Variants in SYNJ2BP observed in about 807,000 individuals in gnomAD.
SYNJ2BP encodes the protein synaptojanin 2 binding protein, also known as synaptojanin-2-binding protein.
A neutral mutation model predicts 16.9 loss-of-function variants in SYNJ2BP; 10 were observed. The ratio of observed to expected loss-of-function variants is 0.59; its 90% CI spans 0.36 to 1.00. The LOEUF (loss-of-function observed/expected upper bound fraction) is 1.00. Ranked by LOEUF, SYNJ2BP falls within the 50% of genes least tolerant of loss-of-function variation. The pLI, the probability that SYNJ2BP is intolerant of heterozygous loss-of-function variation, is 0.01. For synonymous variants in SYNJ2BP, 54 were observed against 68.4 expected (o/e 0.79, Z 1.04); for missense variants, 162 against 186.7 (o/e 0.87, Z 0.77).
chr14:70,378,546 CCTCCGAAAGTG>C (rs1185179782), intron 2 of SYNJ2BP, among the ~76,000 whole-genome samples: 4 of 151,498 alleles, frequency 2.6e-5, no homozygotes, highest in Non-Finnish European at 4.4e-5. Flanking sequence ...CCTGCCTCAG[CCTCCGAAAGTG>C]CTGGGATTAT....
At chr14:70,408,532 G>A (rs937586369) in intron 1 of SYNJ2BP, among the ~76,000 whole-genome samples, 1 of 152,048 alleles carries the variant, frequency 6.6e-6, no homozygotes, top group African/African-American at 2.4e-5. Flanking sequence ...AATTAGCCAG[G>A]TGTGGTAGCG....
Position 70,369,132 on chromosome 14 carries a change from TTTGAGACAAGG to T in SYNJ2BP, c.*3848_*3858del, listed in dbSNP as rs79998120. 0.074 allele frequency: 11,342 copies of T among 152,288 alleles called. 485 individuals carry two copies. Among genetic ancestry groups the T allele is most frequent in the Middle Eastern group, 0.12 (34 of 294 alleles). 9.4% of individuals were successfully genotyped at this position (152,288 alleles called of 1,614,324 possible). On this transcript the variant is annotated 3_prime_UTR_variant, in exon 4 of 4. Coordinates refer to ENST00000256366, the MANE Select transcript of SYNJ2BP (RefSeq NM_018373.3). ...TTTTTTGTTTGTTTGTTTTTTTGTT[TTTGAGACAAGG>T]TCTCACTCCGTTGCTCAGGCTAGAA...
intron 1 of SYNJ2BP, among the ~76,000 whole-genome samples, chr14:70,409,878 A>G (rs1413537911): frequency 6.6e-6 from 1 of 152,050 alleles, no homozygotes; most frequent in East Asian, 1.9e-4. Context: ...TGGGAGGCTG[A>G]GGTGGAGGAT....
At chr14:70,378,128 C>T (rs887078633) in intron 2 of SYNJ2BP, among the ~76,000 whole-genome samples, 6 of 152,226 alleles carry the variant, frequency 3.9e-5, no homozygotes, top group African/African-American at 1.2e-4. Context: ...TATTCCTTTC[C>T]GGATTTCCTC....
chr14:70,384,929 CCCT>C (rs1887827759), intron 2 of SYNJ2BP, among the ~76,000 whole-genome samples: 1 of 152,046 alleles, frequency 6.6e-6, no homozygotes, highest in Non-Finnish European at 1.5e-5. Context: ...TTGATACAGC[CCCT>C]GATATGTCTT....
At chr14:70,398,773 C>T (rs2140855753) in intron 1 of SYNJ2BP, among the ~76,000 whole-genome samples, 1 of 152,290 alleles carries the variant, frequency 6.6e-6, no homozygotes, top group East Asian at 1.9e-4. Context: ...TGTGCCTCCT[C>T]ACAGCCTGGG....
In SYNJ2BP at chr14:70,371,642, C is replaced by A. The variant is rs1203763037; in HGVS notation, c.*1349G>T. On this transcript the variant is annotated 3_prime_UTR_variant, in exon 4 of 4. Coordinates refer to ENST00000256366, the MANE Select transcript of SYNJ2BP (RefSeq NM_018373.3). ...CCATGTTGGCCAGGCTGGTCTTGAACTCCTGACCTTGTGATCTGCCTGCCT... is the reference window on the plus strand; with the variant it reads ...CCATGTTGGCCAGGCTGGTCTTGAAATCCTGACCTTGTGATCTGCCTGCCT... 6.6e-6 allele frequency: 1 copy of A among 152,256 alleles called. No homozygotes were observed. The highest frequency in any genetic ancestry group is 1.5e-5 in the Non-Finnish European group (1 of 68,116). The allele number at this position is 152,256 out of a possible 1,614,324, so 9.4% of individuals were successfully genotyped here. A position where few individuals can be genotyped will look rare whatever the true frequency, so the allele number is the denominator to read the frequency against.
At chr14:70,406,385 AAACT>A (rs747303810) in intron 1 of SYNJ2BP, among the ~76,000 whole-genome samples, 3 of 152,212 alleles carry the variant, frequency 2.0e-5, no homozygotes, top group Admixed American at 6.5e-5. Flanking sequence ...GGTGTAGGCC[AAACT>A]AACTTTGGGA....
At chr14:70,387,702 G>A (rs904293962) in intron 2 of SYNJ2BP, among the ~76,000 whole-genome samples, 41 of 151,920 alleles carry the variant, frequency 2.7e-4, no homozygotes, top group African/African-American at 2.7e-4. Context: ...GTAGTGGCAG[G>A]GGCCTGTAGT....
chr14:70,413,130 C>A (rs1239600542), intron 1 of SYNJ2BP, among the ~76,000 whole-genome samples: 2 of 152,104 alleles, frequency 1.3e-5, no homozygotes, highest in Non-Finnish European at 2.9e-5. Context: ...TCTAAAATGG[C>A]AGGAAATAAA....
intron 1 of SYNJ2BP, among the ~76,000 whole-genome samples, chr14:70,389,405 T>C (rs1376583794): frequency 7.1e-6 from 1 of 140,826 alleles, no homozygotes; most frequent in African/African-American, 2.8e-5. Flanking sequence ...ATTTTGGTGG[T>C]GGAGGCAGTG....
At chr14:70,379,495 C>T (rs1887701943) in intron 2 of SYNJ2BP, among the ~76,000 whole-genome samples, 1 of 152,160 alleles carries the variant, frequency 6.6e-6, no homozygotes, top group South Asian at 2.1e-4. Flanking sequence ...CACCTAAATG[C>T]CCTTCCCTTT....
At chr14:70,408,606 G>A (rs1402441056) in intron 1 of SYNJ2BP, among the ~76,000 whole-genome samples, 2 of 151,166 alleles carry the variant, frequency 1.3e-5, no homozygotes, top group African/African-American at 4.9e-5. Context: ...CCGGGAGGCA[G>A]AGGTTGCAGT....
At chr14:70,400,464 A>G (rs1252828375) in intron 1 of SYNJ2BP, among the ~76,000 whole-genome samples, 1 of 152,234 alleles carries the variant, frequency 6.6e-6, no homozygotes. Context: ...GTTAAAGAGT[A>G]GAACAGTGCC....
chr14:70,376,034 T>A (rs1410827907), intron 2 of SYNJ2BP, among the ~76,000 whole-genome samples: 24 of 152,222 alleles, frequency 1.6e-4, no homozygotes, highest in Non-Finnish European at 4.4e-5. Context: ...TTAGCTTCTA[T>A]GCCTGTCTCG....
At chr14:70,384,488 TCAC>T (rs1887816878) in intron 2 of SYNJ2BP, among the ~76,000 whole-genome samples, 1 of 35,250 alleles carries the variant, frequency 2.8e-5, no homozygotes, top group Non-Finnish European at 5.6e-5. Context: ...GAATACGATG[TCAC>T]GGGTAAGTGA....
Position 70,366,557 on chromosome 14 carries a change from C to A in SYNJ2BP, c.*6434G>T, listed in dbSNP as rs1887391652. On this transcript the variant is annotated 3_prime_UTR_variant, in exon 4 of 4. Transcript: ENST00000256366. ...AATACTGGCTAGGCACAATTAGACACATTATTATCTCATTTGCTGTATCTG... is the reference window on the plus strand; with the variant it reads ...AATACTGGCTAGGCACAATTAGACAAATTATTATCTCATTTGCTGTATCTG... The A allele has an allele frequency of 6.6e-6, 1 of 152,184 alleles. No homozygotes were observed. Among genetic ancestry groups the A allele is most frequent in the African/African-American group, 2.4e-5 (1 of 41,442 alleles). The allele number at this position is 152,184 out of a possible 1,614,324, so 9.4% of individuals were successfully genotyped here.
At chr14:70,395,051 C>A (rs974496900) in intron 1 of SYNJ2BP, among the ~76,000 whole-genome samples, 1 of 152,178 alleles carries the variant, frequency 6.6e-6, no homozygotes, top group Non-Finnish European at 1.5e-5. Flanking sequence ...TGCTGGCTAT[C>A]TTAGGAGCTA....
At chr14:70,401,454 A>G (rs1388481267) in intron 1 of SYNJ2BP, among the ~76,000 whole-genome samples, 1 of 150,544 alleles carries the variant, frequency 6.6e-6, no homozygotes, top group Admixed American at 6.6e-5. Context: ...ATTAAAAGTA[A>G]TATTTAGGCT....
Sources: gnomAD v4.1 joint callset for allele counts (sites outside exome capture counted in the v4.1 genomes callset) on GRCh38, gnomAD v4.1.1 for gene constraint, MANE v1.5 for transcripts, NCBI Gene and HGNC (gene_info 2026-07-23, HGNC 2026-07-21) for gene names.